Variants in ZNF362 observed in about 807,000 individuals in gnomAD.
The protein encoded by ZNF362 is zinc finger protein 362, also known as rotund homolog.
In ZNF362, 11 loss-of-function variants were observed where a neutral mutation model predicts 42.9. The observed-to-expected ratio is 0.26, with a 90% CI of 0.16 to 0.42. The LOEUF (loss-of-function observed/expected upper bound fraction) is 0.42, where lower values mean the gene tolerates loss of function less well. Ranked by LOEUF, ZNF362 falls within the 20% of genes least tolerant of loss-of-function variation. The pLI is 1.00. For missense variants in ZNF362, 362 were observed against 576.2 expected (o/e 0.63, Z 3.81); for synonymous variants, 255 against 257.3 (o/e 0.99, Z 0.09).
the ZNF362 span, among the ~76,000 whole-genome samples, chr1:33,148,544 A>T: frequency 6.6e-6 from 1 of 152,190 alleles, no homozygotes; most frequent in South Asian, 2.1e-4. Context: ...CTATGACGAG[A>T]GGACCTGGCT....
the ZNF362 span, among the ~76,000 whole-genome samples, chr1:33,157,504 C>G: frequency 3.3e-5 from 5 of 152,176 alleles, no homozygotes; most frequent in Admixed American, 3.3e-4. Flanking sequence ...TATTCTTTGT[C>G]AGTATCTAAT....
the ZNF362 span, among the ~76,000 whole-genome samples, chr1:33,214,268 G>A: frequency 6.6e-6 from 1 of 152,094 alleles, no homozygotes; most frequent in Non-Finnish European, 1.5e-5. Flanking sequence ...TTCAATATTT[G>A]GAGCTAGGAA....
the ZNF362 span, among the ~76,000 whole-genome samples, chr1:33,182,995 G>A: frequency 6.6e-6 from 1 of 152,148 alleles, no homozygotes; most frequent in African/African-American, 2.4e-5. Flanking sequence ...TTTCCAATGT[G>A]TCTGCGGATG....
intron 6 of ZNF362, among the ~76,000 whole-genome samples, chr1:33,290,022 A>G (rs1646064890): frequency 1.3e-5 from 2 of 152,142 alleles, no homozygotes; most frequent in Admixed American, 1.3e-4. Flanking sequence ...CAGCTTGGAT[A>G]AAGGATTGGA....
chr1:33,179,446 AAT>A, the ZNF362 span, among the ~76,000 whole-genome samples: 3 of 152,308 alleles, frequency 2.0e-5, no homozygotes, highest in African/African-American at 7.2e-5. Context: ...GAGCCCCTAC[AAT>A]ACAGGGGAAA....
chr1:33,277,087 C>T (rs922443285), intron 4 of ZNF362, among the ~76,000 whole-genome samples: 1 of 152,168 alleles, frequency 6.6e-6, no homozygotes, highest in Non-Finnish European at 1.5e-5. Flanking sequence ...TGGGGAGGCC[C>T]GGAAGATGGT....
chr1:33,226,503 C>T, the ZNF362 span, among the ~76,000 whole-genome samples: 146,885 of 152,304 alleles, frequency 0.96, 71,039 homozygotes, highest in East Asian at 1. Context: ...TATAATGAAA[C>T]ATCATTTGGC....
chr1:33,141,597 T>G, the ZNF362 span, among the ~76,000 whole-genome samples: 6 of 152,312 alleles, frequency 3.9e-5, no homozygotes, highest in East Asian at 1.2e-3. Flanking sequence ...TCCCCAGCCC[T>G]TATCATGACA....
chr1:33,188,095 G>A, the ZNF362 span, among the ~76,000 whole-genome samples: 3 of 152,184 alleles, frequency 2.0e-5, no homozygotes, highest in African/African-American at 7.2e-5. Flanking sequence ...TTAGCCGGGG[G>A]TGGTGGCGGG....
chr1:33,209,775 T>G, the ZNF362 span, among the ~76,000 whole-genome samples: 1 of 152,208 alleles, frequency 6.6e-6, no homozygotes, highest in Non-Finnish European at 1.5e-5. Context: ...TGATATCCCC[T>G]TTATCATTTT....
chr1:33,270,754 C>T (rs1645897005), intron 2 of ZNF362, 142 bp downstream of exon 2: 1 of 1,443,492 alleles, frequency 6.9e-7, no homozygotes. Flanking sequence ...GTGTGCTTAC[C>T]CTCCTGTAGC....
rs1645863264 is a variant in ZNF362 at position 33,266,116 on chromosome 1, C to A, written c.-88-4371C>A. ...TGCTGCCACTACCCTCCCTTCCCTC[C>A]CAGCCTGACTGCAGCAGTAGCTGTT... On this transcript the variant is annotated intron_variant, in intron 1 of 8. Transcript: ENST00000539719. This position sits in a 1 kb window ranked among gnomAD's most constrained non-coding sequence, Gnocchi z 4.3. Among the ~76,000 whole-genome samples the A allele has an allele frequency of 6.6e-6, 1 of 152,256 alleles. No homozygotes were observed. Among genetic ancestry groups the A allele is most frequent in the Non-Finnish European group, 1.5e-5 (1 of 68,048 alleles).
intron 6 of ZNF362, among the ~76,000 whole-genome samples, chr1:33,287,683 T>G (rs1218346994): frequency 6.6e-6 from 1 of 152,240 alleles, no homozygotes; most frequent in Non-Finnish European, 1.5e-5. Flanking sequence ...TAATGATCAT[T>G]GCAGCAGGGG....
chr1:33,149,791 C>T, the ZNF362 span, among the ~76,000 whole-genome samples: 4 of 152,254 alleles, frequency 2.6e-5, no homozygotes, highest in African/African-American at 4.8e-5. Flanking sequence ...CTGATACTGG[C>T]GTGGGGTATT....
chr1:33,193,029 A>G, the ZNF362 span, among the ~76,000 whole-genome samples: 1 of 151,494 alleles, frequency 6.6e-6, no homozygotes, highest in Non-Finnish European at 1.5e-5. Context: ...ATATACGCAT[A>G]TATATGCAGG....
chr1:33,259,410 G>A (rs1403782626), intron 1 of ZNF362, among the ~76,000 whole-genome samples: 1 of 152,192 alleles, frequency 6.6e-6, no homozygotes, highest in Non-Finnish European at 1.5e-5. Context: ...CAGGTGTGTG[G>A]GTAAGGTGGG....
chr1:33,288,594 A>AC (rs1187776860), intron 6 of ZNF362, among the ~76,000 whole-genome samples: 1 of 151,810 alleles, frequency 6.6e-6, no homozygotes, highest in Non-Finnish European at 1.5e-5. Flanking sequence ...AATACAAAAA[A>AC]ATTAGCCGAG....
chr1:33,179,017 A>G, the ZNF362 span, among the ~76,000 whole-genome samples: 1 of 152,228 alleles, frequency 6.6e-6, no homozygotes, highest in Non-Finnish European at 1.5e-5. Context: ...TGTGCCCTAT[A>G]GCCCTGGCTC....
the ZNF362 span, among the ~76,000 whole-genome samples, chr1:33,189,746 T>C: frequency 2.1e-5 from 3 of 142,536 alleles, no homozygotes; most frequent in African/African-American, 7.8e-5. Flanking sequence ...TATATATATA[T>C]ACACATACTG....
Sources: allele counts gnomAD v4.1 joint callset (sites outside exome capture counted in the v4.1 genomes callset), GRCh38; gene constraint gnomAD v4.1.1; non-coding constraint Gnocchi (gnomAD v3.1); transcripts MANE v1.5; gene names NCBI Gene and HGNC (gene_info 2026-07-23, HGNC 2026-07-21).